STAU2: variants seen among roughly 807,000 people sequenced by gnomAD.
STAU2 encodes the protein staufen double-stranded RNA binding protein 2.
STAU2 carries 20 observed loss-of-function variants against 65.9 expected under a neutral mutation model. The observed-to-expected ratio is 0.30, with a 90% CI of 0.21 to 0.44. STAU2 has a LOEUF of 0.44. STAU2 is among the 20% of genes least tolerant of loss of function. The pLI is 1.00. For synonymous variants in STAU2, 232 were observed against 233.9 expected, an observed-to-expected ratio of 0.99 and a Z score of 0.07; for missense variants, 558 against 683.9, an observed-to-expected ratio of 0.82 and a Z score of 2.05.
intron 13 of STAU2, among the ~76,000 whole-genome samples, chr8:73,493,720 G>A (rs1821258127): frequency 6.6e-6 from 1 of 151,650 alleles, no homozygotes; most frequent in Non-Finnish European, 1.5e-5. Context: ...CCTACCCTAT[G>A]ACCCAGCAAT....
chr8:73,513,378 C>T (rs191291533), intron 13 of STAU2, among the ~76,000 whole-genome samples: 2 of 152,252 alleles, frequency 1.3e-5, no homozygotes, highest in East Asian at 3.9e-4. Context: ...TGGTTATGCT[C>T]AAATACCCTA....
At chr8:73,743,434 C>A (rs1478146159) in intron 1 of STAU2, among the ~76,000 whole-genome samples, 1 of 151,170 alleles carries the variant, frequency 6.6e-6, no homozygotes, top group East Asian at 1.9e-4. Flanking sequence ...CTTCACTATA[C>A]ACCAAATTAA....
chr8:73,519,376 A>G (rs1563398463), intron 13 of STAU2, among the ~76,000 whole-genome samples: 1 of 152,204 alleles, frequency 6.6e-6, no homozygotes, highest in Non-Finnish European at 1.5e-5. Flanking sequence ...GTCATGAATG[A>G]CATTATTCAG....
chr8:73,523,939 T>G (rs1823203568), intron 13 of STAU2, among the ~76,000 whole-genome samples: 3 of 152,242 alleles, frequency 2.0e-5, no homozygotes, highest in South Asian at 2.1e-4. Flanking sequence ...CCCAGCACTT[T>G]GGGACGCTGA....
At chr8:73,486,011 G>C (rs1045359451) in intron 13 of STAU2, among the ~76,000 whole-genome samples, 1 of 152,160 alleles carries the variant, frequency 6.6e-6, no homozygotes, top group Non-Finnish European at 1.5e-5. Flanking sequence ...AGGAAGTTCA[G>C]GGTATACTCT....
At chr8:73,629,649 G>C (rs535467954) in intron 6 of STAU2, among the ~76,000 whole-genome samples, 2 of 152,128 alleles carry the variant, frequency 1.3e-5, no homozygotes, top group Non-Finnish European at 2.9e-5. Context: ...TCATTTAAGG[G>C]TCTTAGAAAT....
intron 6 of STAU2, among the ~76,000 whole-genome samples, chr8:73,640,725 G>A (rs1428632701): frequency 6.6e-6 from 1 of 151,970 alleles, no homozygotes; most frequent in Non-Finnish European, 1.5e-5. Flanking sequence ...GAAAGCTGTG[G>A]GCTCTAGACT....
At chr8:73,523,309 G>A (rs140799355) in intron 13 of STAU2, among the ~76,000 whole-genome samples, 103 of 152,040 alleles carry the variant, frequency 6.8e-4, no homozygotes, top group African/African-American at 2.3e-3. Context: ...TTCCAAGGTG[G>A]AGCCAACACA....
chr8:73,599,565 C>A (rs1811472100), intron 10 of STAU2, among the ~76,000 whole-genome samples: 1 of 152,148 alleles, frequency 6.6e-6, no homozygotes, highest in South Asian at 2.1e-4. Context: ...TTCACAATGA[C>A]AACAAAATTC....
At chr8:73,727,681 G>A (rs575172517) in intron 3 of STAU2, 1 of 152,292 alleles carries the variant, frequency 6.6e-6, no homozygotes, top group African/African-American at 2.4e-5. Context: ...GAACATGTGT[G>A]GTCATATATT....
rs146472700 is a variant in STAU2 at position 73,658,191 on chromosome 8, C to A, written c.410+14916G>T. 1.5e-3 allele frequency among the ~76,000 whole-genome samples: 224 copies of A among 151,728 alleles called. 3 individuals are homozygous for A. In the East Asian group the frequency reaches 0.02, roughly 14 times the overall value. On this transcript the variant is annotated intron_variant, in intron 6 of 14. Coordinates refer to ENST00000524300, the MANE Select transcript of STAU2 (RefSeq NM_001164380.2). ...CCAGCCTGACCAACATGGTGAAACC[C>A]CATCTCTACTAAAAAAAAATTAAAA...
chr8:73,499,955 G>A (rs1821644449), intron 13 of STAU2, among the ~76,000 whole-genome samples: 1 of 151,958 alleles, frequency 6.6e-6, no homozygotes, highest in Middle Eastern at 3.4e-3. Flanking sequence ...CTCACGGATT[G>A]AGCTGAAGCT....
chr8:73,481,429 A>C (rs2128910517), intron 13 of STAU2, among the ~76,000 whole-genome samples: 1 of 151,090 alleles, frequency 6.6e-6, no homozygotes, highest in East Asian at 2.0e-4. Flanking sequence ...TACATGCCAA[A>C]GTTTGAGAGC....
intron 12 of STAU2, among the ~76,000 whole-genome samples, chr8:73,564,745 T>C (rs1263848749): frequency 1.3e-5 from 2 of 152,118 alleles, no homozygotes; most frequent in African/African-American, 4.8e-5. Flanking sequence ...ATAATATTGA[T>C]GAGAAAAAAA....
At chr8:73,570,538 C>T (rs923642390) in intron 12 of STAU2, among the ~76,000 whole-genome samples, 1 of 152,278 alleles carries the variant, frequency 6.6e-6, no homozygotes, top group African/African-American at 2.4e-5. Context: ...AGTATATTAT[C>T]CCAGAGAACT....
At chr8:73,465,799 CT>C (rs1409663873) in intron 13 of STAU2, among the ~76,000 whole-genome samples, 7 of 152,096 alleles carry the variant, frequency 4.6e-5, no homozygotes, top group Non-Finnish European at 4.4e-5. Flanking sequence ...TTTCTCACCC[CT>C]GTCTTCATTT....
intron 13 of STAU2, chr8:73,439,088 T>C (rs1817928261): frequency 6.6e-6 from 3 of 455,798 alleles, no homozygotes; most frequent in South Asian, 3.1e-5. Flanking sequence ...GGGTTCTCCA[T>C]GGACAGTATT....
chr8:73,551,922 G>A, intron 13 of STAU2, 90 bp downstream of exon 13: 2 of 1,438,486 alleles, frequency 1.4e-6, no homozygotes, highest in Non-Finnish European at 1.8e-6. Context: ...GGCCATACTA[G>A]CAGGCAAGAA....
chr8:73,708,042 A>G (rs1346223814), intron 4 of STAU2, among the ~76,000 whole-genome samples: 1 of 152,240 alleles, frequency 6.6e-6, no homozygotes, highest in Non-Finnish European at 1.5e-5. Context: ...TCAGAAAGAG[A>G]GTCAGGACAT....
Sources: allele counts gnomAD v4.1 joint callset (sites outside exome capture counted in the v4.1 genomes callset), GRCh38; gene constraint gnomAD v4.1.1; transcripts MANE v1.5; gene names NCBI Gene and HGNC (gene_info 2026-07-23, HGNC 2026-07-21).